Variants in BHLHE22 observed in about 807,000 individuals in gnomAD.
The protein encoded by BHLHE22 is basic helix-loop-helix family member e22, also known as class E basic helix-loop-helix protein 22.
A neutral mutation model predicts 17.6 loss-of-function variants in BHLHE22; 8 were observed. The ratio of observed to expected loss-of-function variants is 0.45; its 90% CI spans 0.27 to 0.82. BHLHE22 has a LOEUF of 0.82. Ranked by LOEUF, BHLHE22 falls within the 40% of genes least tolerant of loss-of-function variation. BHLHE22 has a pLI of 0.16. For synonymous variants in BHLHE22, 353 were observed against 282.7 expected, an observed-to-expected ratio of 1.25 and a Z score of -2.49; for missense variants, 570 against 581.5, an observed-to-expected ratio of 0.98 and a Z score of 0.20.
chr8:64,582,302 T>C lies in BHLHE22; in HGVS notation c.*366T>C, dbSNP rs1301884633. On this transcript the variant is annotated 3_prime_UTR_variant, in exon 1 of 1. Transcript: ENST00000321870. Reference sequence around the variant, plus strand: ...GCTTGGTTATTAAGCCTGGAGAGTGTTTGAATGGCAAAATACTAATCCTAC... The same window carrying C: ...GCTTGGTTATTAAGCCTGGAGAGTGCTTGAATGGCAAAATACTAATCCTAC... 3.2e-6 allele frequency: 1 copy of C among 316,592 alleles called. No homozygotes were observed. 19.6% of individuals were successfully genotyped at this position (316,592 alleles called of 1,614,324 possible). A position where few individuals can be genotyped will look rare whatever the true frequency, so the allele number is the denominator to read the frequency against.
At position 64,580,790 on chromosome 8, in the gene BHLHE22, C is replaced by T; in HGVS notation, c.-1C>T. 7.3e-7 allele frequency: 1 copy of T among 1,361,890 alleles called. No individual in the cohort carries two copies. Among genetic ancestry groups the T allele is most frequent in the South Asian group, 1.7e-5 (1 of 59,130 alleles). 84.4% of individuals were successfully genotyped at this position (1,361,890 alleles called of 1,614,324 possible). ...CCCGGGCTGCGCGCCGGCGCGGGACCATGGAGCGCGGGATGCACCTCGGTG... is the reference window on the plus strand; with the variant it reads ...CCCGGGCTGCGCGCCGGCGCGGGACTATGGAGCGCGGGATGCACCTCGGTG... On this transcript the variant is annotated 5_prime_UTR_variant, in exon 1 of 1. Transcript: ENST00000321870.
chr8:64,581,111 A>T lies in BHLHE22; in HGVS notation c.321A>T (p.Ser107=). The T allele has an allele frequency of 7.4e-7, 1 of 1,358,982 alleles. No individual in the cohort carries two copies. Among genetic ancestry groups the T allele is most frequent in the East Asian group, 3.0e-5 (1 of 33,826 alleles). The allele number at this position is 1,358,982 out of a possible 1,614,324, so 84.2% of individuals were successfully genotyped here. ...GVGVPGLLVG[S]AGVGGDPSLS... ...GTGTCCCCGGGCTGCTAGTAGGTTCAGCCGGCGTTGGGGGCGACCCTAGCC... is the reference window on the plus strand; with the variant it reads ...GTGTCCCCGGGCTGCTAGTAGGTTCTGCCGGCGTTGGGGGCGACCCTAGCC... The change falls in exon 1 of 1, where the codon TCA becomes TCT. Residue 107 remains serine, a synonymous_variant. Transcript: ENST00000321870. The surrounding 1 kb of genome is among the most constrained non-coding windows in gnomAD (Gnocchi z 6.4).
Position 64,580,625 on chromosome 8 carries a change from A to T in BHLHE22, c.-166A>T. The T allele has an allele frequency of 5.1e-6, 1 of 197,940 alleles. No individual in the cohort carries two copies. Among genetic ancestry groups the T allele is most frequent in the Non-Finnish European group, 9.2e-6 (1 of 108,682 alleles). 12.3% of individuals were successfully genotyped at this position (197,940 alleles called of 1,614,324 possible). On this transcript the variant is annotated 5_prime_UTR_variant, in exon 1 of 1. An upstream open reading frame in the 5' UTR gains an earlier in-frame stop. Coordinates refer to ENST00000321870, the MANE Select transcript of BHLHE22 (RefSeq NM_152414.5). ...GCGGCGAGCGCGGGGGAAGGCGAAA[A>T]AGAAAAAGAAAGAAGGGGAGAGGGC... is the stretch of plus-strand genomic sequence containing the variant.
chr8:64,583,177 T>C lies in BHLHE22; in HGVS notation c.*1241T>C, dbSNP rs187470907. 5.0e-3 allele frequency: 829 copies of C among 167,162 alleles called. 1 individual carries two copies. The highest frequency in any genetic ancestry group is 8.8e-3 in the Non-Finnish European group (596 of 68,102). The allele number at this position is 167,162 out of a possible 1,614,324, so 10.4% of individuals were successfully genotyped here. On this transcript the variant is annotated 3_prime_UTR_variant, in exon 1 of 1. Coordinates refer to ENST00000321870, the MANE Select transcript of BHLHE22 (RefSeq NM_152414.5). Reference sequence around the variant, plus strand: ...GTCTAATTTAATTGCTTTTAATATATATGTACATATATGTTATTTTAACTG... The same window carrying C: ...GTCTAATTTAATTGCTTTTAATATACATGTACATATATGTTATTTTAACTG...
rs1370729261 is a variant in BHLHE22, at chr8:64,583,363, TTGAC to T, written c.*1430_*1433del. ...TTCAGTTTTAGTTTTGCATGGCTGT[TTGAC>T]TGCCTTTCCGCCCTATGAAAATCAA... is the stretch of plus-strand genomic sequence containing the variant. On this transcript the variant is annotated 3_prime_UTR_variant, in exon 1 of 1. Coordinates refer to ENST00000321870, the MANE Select transcript of BHLHE22 (RefSeq NM_152414.5). 6.1e-6 allele frequency: 1 copy of T among 165,020 alleles called. No individual in the cohort carries two copies. Among genetic ancestry groups the T allele is most frequent in the Non-Finnish European group, 1.5e-5 (1 of 66,604 alleles). 10.2% of individuals were successfully genotyped at this position (165,020 alleles called of 1,614,324 possible). A position where few individuals can be genotyped will look rare whatever the true frequency, so the allele number is the denominator to read the frequency against.
In BHLHE22 at chr8:64,582,942, T is replaced by C. The variant is rs1430057393; in HGVS notation, c.*1006T>C. 1 of 166,926 alleles carries C rather than the reference T, an allele frequency of 6.0e-6. No individual in the cohort carries two copies. Among genetic ancestry groups the C allele is most frequent in the African/African-American group, 2.4e-5 (1 of 41,462 alleles). 10.3% of individuals were successfully genotyped at this position (166,926 alleles called of 1,614,324 possible). A position where few individuals can be genotyped will look rare whatever the true frequency, so the allele number is the denominator to read the frequency against. ...GGTCACCTGGATATTTTCAGTTGCA[T>C]CATCCCTGTATTTAAATTGAGCTTT... On this transcript the variant is annotated 3_prime_UTR_variant, in exon 1 of 1. Coordinates refer to ENST00000321870, the MANE Select transcript of BHLHE22 (RefSeq NM_152414.5).
rs762895104 is a variant in BHLHE22 at position 64,581,328 on chromosome 8, G to A, written c.538G>A (p.Ala180Thr). 4 of 1,429,506 alleles carry A rather than the reference G, an allele frequency of 2.8e-6. No individual in the cohort carries two copies. Among genetic ancestry groups the A allele is most frequent in the Non-Finnish European group, 3.6e-6 (4 of 1,104,432 alleles). The allele number at this position is 1,429,506 out of a possible 1,614,324, so 88.6% of individuals were successfully genotyped here. A position where few individuals can be genotyped will look rare whatever the true frequency, so the allele number is the denominator to read the frequency against. The change falls in exon 1 of 1, where the codon GCA becomes ACA. Residue 180 changes from alanine (A) to threonine (T), a missense_variant. Physicochemically the swap from Ala to Thr is moderately conservative, Grantham distance 58. This residue lies in a region of BHLHE22 where 427 missense variants were observed against 376.2 expected (regional missense o/e 1.14). Coordinates refer to ENST00000321870, the MANE Select transcript of BHLHE22 (RefSeq NM_152414.5). The surrounding 1 kb of genome is among the most constrained non-coding windows in gnomAD (Gnocchi z 6.4). ...SPGAGGGGAK[A>T]AEGCSNAHLH... ...GGGAGCGGGAGGTGGTGGCGCGAAG[G>A]CAGCCGAGGGCTGCTCCAATGCCCA...
Position 64,580,710 on chromosome 8 carries a change from G to C in BHLHE22, c.-81G>C. 1 of 922,404 alleles carries C rather than the reference G, an allele frequency of 1.1e-6. No individual in the cohort carries two copies. Among genetic ancestry groups the C allele is most frequent in the Non-Finnish European group, 1.3e-6 (1 of 768,702 alleles). The allele number at this position is 922,404 out of a possible 1,614,324, so 57.1% of individuals were successfully genotyped here. ...TCCGGAGCCCAGCTCGCGCGCGTCT[G>C]TGGGGCCGCCTGACTCCGGGGCCGA... is the stretch of plus-strand genomic sequence containing the variant. On this transcript the variant is annotated 5_prime_UTR_variant, in exon 1 of 1. Transcript: ENST00000321870.
rs1382981486 is a variant in BHLHE22 at position 64,582,619 on chromosome 8, A to G, written c.*683A>G. The stretch of plus-strand genomic sequence containing the variant: ...CAAAGTTTTGGCGAGAGTGATATAA[A>G]AAAACTGACTGTGGCTGAAAGAATT... On this transcript the variant is annotated 3_prime_UTR_variant, in exon 1 of 1. Coordinates refer to ENST00000321870, the MANE Select transcript of BHLHE22 (RefSeq NM_152414.5). The G allele has an allele frequency of 6.0e-6, 1 of 167,132 alleles. No homozygotes were observed. Among genetic ancestry groups the G allele is most frequent in the Non-Finnish European group, 1.5e-5 (1 of 68,146 alleles). 10.4% of individuals were successfully genotyped at this position (167,132 alleles called of 1,614,324 possible).
rs1804895671 is a variant in BHLHE22 at position 64,581,394 on chromosome 8, G to GGCT, written c.606_607insTGC (p.Gly202_Gly203insCys). ...CAGCGTCCCCCCGGGGGGCCTGGGC[G>GGCT]GCGGCGGCGGCGGGGGTAGCAGCAG... On this transcript the variant is annotated inframe_insertion, in exon 1 of 1. Coordinates refer to ENST00000321870, the MANE Select transcript of BHLHE22 (RefSeq NM_152414.5). This position sits in a 1 kb window ranked among gnomAD's most constrained non-coding sequence, Gnocchi z 6.4. 6.6e-7 allele frequency: 1 copy of GGCT among 1,522,196 alleles called. No homozygotes were observed. Among genetic ancestry groups the GGCT allele is most frequent in the Non-Finnish European group, 8.8e-7 (1 of 1,140,536 alleles). The allele number at this position is 1,522,196 out of a possible 1,614,324, so 94.3% of individuals were successfully genotyped here. A position where few individuals can be genotyped will look rare whatever the true frequency, so the allele number is the denominator to read the frequency against.
At position 64,581,728 on chromosome 8, in the gene BHLHE22, G is replaced by A; in HGVS notation, c.938G>A (p.Gly313Asp). Residue 313 changes from glycine (G) to aspartate (D), a missense_variant, in exon 1 of 1, where the codon GGC (glycine) becomes GAC (aspartate). By Grantham distance (94) the Gly-to-Asp change is moderately conservative. Transcript: ENST00000321870. The surrounding 1 kb of genome is among the most constrained non-coding windows in gnomAD (Gnocchi z 6.4). ...CGCCTAGTCGCCTACCTCAACCAGG[G>A]CCAGGCCATCTCGGCTGCCTCCCTG... The part of the protein sequence containing the change: ...MRRLVAYLNQ[G>D]QAISAASLPS... 6.2e-7 allele frequency: 1 copy of A among 1,603,874 alleles called. No individual in the cohort carries two copies. Among genetic ancestry groups the A allele is most frequent in the Non-Finnish European group, 8.5e-7 (1 of 1,176,592 alleles).
Position 64,581,336 on chromosome 8 carries a change from G to T in BHLHE22, c.546G>T (p.Glu182Asp). 6.8e-7 allele frequency: 1 copy of T among 1,463,366 alleles called. No homozygotes were observed. Among genetic ancestry groups the T allele is most frequent in the Non-Finnish European group, 8.9e-7 (1 of 1,120,120 alleles). The allele number at this position is 1,463,366 out of a possible 1,614,324, so 90.6% of individuals were successfully genotyped here. Residue 182 changes from glutamate (E) to aspartate (D), a missense_variant, in exon 1 of 1, where the codon GAG becomes GAT. Physicochemically the swap from Glu to Asp is conservative, Grantham distance 45. This residue lies in a region of BHLHE22 where 427 missense variants were observed against 376.2 expected (regional missense o/e 1.14). Transcript: ENST00000321870. The surrounding 1 kb of genome is among the most constrained non-coding windows in gnomAD (Gnocchi z 6.4). ...GAGGTGGTGGCGCGAAGGCAGCCGAGGGCTGCTCCAATGCCCACCTCCACG... is the reference window on the plus strand; with the variant it reads ...GAGGTGGTGGCGCGAAGGCAGCCGATGGCTGCTCCAATGCCCACCTCCACG... ...GAGGGGAKAAEGCSNAHLHGG... is the reference protein window; with the variant it reads ...GAGGGGAKAADGCSNAHLHGG...
Position 64,581,856 on chromosome 8 carries a change from G to A in BHLHE22, c.1066G>A (p.Ala356Thr). 1.2e-6 allele frequency: 2 copies of A among 1,607,958 alleles called. No individual in the cohort carries two copies. The highest frequency in any genetic ancestry group is 1.1e-5 in the South Asian group (1 of 90,876). ...CCCGTTCAGCGCCGGACTGCCCCCG[G>A]CTGCCTCCTGCCCGGAGAAGTGCGC... ...GYPFSAGLPP[A>T]ASCPEKCALF... Residue 356 changes from alanine (A) to threonine (T), a missense_variant, in exon 1 of 1, where the codon GCT becomes ACT. Ala to Thr is a moderately conservative substitution (Grantham distance 58). Coordinates refer to ENST00000321870, the MANE Select transcript of BHLHE22 (RefSeq NM_152414.5). This position sits in a 1 kb window ranked among gnomAD's most constrained non-coding sequence, Gnocchi z 6.4.
chr8:64,581,468 C>A lies in BHLHE22; in HGVS notation c.678C>A (p.Ser226Arg). 6.5e-7 allele frequency: 1 copy of A among 1,535,024 alleles called. No individual in the cohort carries two copies. The highest frequency in any genetic ancestry group is 8.7e-7 in the Non-Finnish European group (1 of 1,145,128). Residue 226 changes from serine to arginine, a missense_variant, in exon 1 of 1, where the codon AGC (serine) becomes AGA (arginine). This residue lies in a region of BHLHE22 where 427 missense variants were observed against 376.2 expected (regional missense o/e 1.14). Coordinates refer to ENST00000321870, the MANE Select transcript of BHLHE22 (RefSeq NM_152414.5). The surrounding 1 kb of genome is among the most constrained non-coding windows in gnomAD (Gnocchi z 6.4). ...GGGSGSGSGG[S>R]SSSSSSSSKK... ...GTAGCGGTAGCGGCAGCGGCGGCAGCAGCAGCAGCAGCAGCAGCAGCAGCA... is the reference window on the plus strand; with the variant it reads ...GTAGCGGTAGCGGCAGCGGCGGCAGAAGCAGCAGCAGCAGCAGCAGCAGCA...
Position 64,581,858 on chromosome 8 carries a change from T to G in BHLHE22, c.1068T>G (p.Ala356=), listed in dbSNP as rs769298111. Residue 356 remains alanine, a synonymous_variant, in exon 1 of 1, where the codon GCT becomes GCG. Coordinates refer to ENST00000321870, the MANE Select transcript of BHLHE22 (RefSeq NM_152414.5). This position sits in a 1 kb window ranked among gnomAD's most constrained non-coding sequence, Gnocchi z 6.4. ...GYPFSAGLPP[A]ASCPEKCALF... ...CGTTCAGCGCCGGACTGCCCCCGGC[T>G]GCCTCCTGCCCGGAGAAGTGCGCCC... 14 of 1,608,376 alleles carry G rather than the reference T, an allele frequency of 8.7e-6. No individual in the cohort carries two copies. The highest frequency in any genetic ancestry group is 1.2e-5 in the Non-Finnish European group (14 of 1,179,494).
chr8:64,582,880 A>G lies in BHLHE22; in HGVS notation c.*944A>G, dbSNP rs1049619608. 1.2e-5 allele frequency: 2 copies of G among 166,982 alleles called. No homozygotes were observed. The highest frequency in any genetic ancestry group is 2.9e-5 in the Non-Finnish European group (2 of 68,118). 10.3% of individuals were successfully genotyped at this position (166,982 alleles called of 1,614,324 possible). On this transcript the variant is annotated 3_prime_UTR_variant, in exon 1 of 1. Coordinates refer to ENST00000321870, the MANE Select transcript of BHLHE22 (RefSeq NM_152414.5). ...TTTATTTGCCAACAAGTATGAAGAG[A>G]AATATTGATGTATCTGAGCTGCTTA...
chr8:64,580,865 C>A lies in BHLHE22; in HGVS notation c.75C>A (p.Ala25=), dbSNP rs775118339. ...DDLFLHKSLS[A]STSKRLEAAF... is the part of the protein sequence containing the mutation. ...TCTTCCTGCACAAGAGCCTGAGCGC[C>A]TCCACCTCCAAGCGCTTGGAAGCGG... Residue 25 remains alanine (A), a synonymous_variant, in exon 1 of 1, where the codon GCC becomes GCA. Transcript: ENST00000321870. 29 of 1,516,630 alleles carry A rather than the reference C, an allele frequency of 1.9e-5. No individual in the cohort carries two copies. The African/African-American group carries it at 3.5e-4, about 18-fold the overall frequency. 93.9% of individuals were successfully genotyped at this position (1,516,630 alleles called of 1,614,324 possible). A position where few individuals can be genotyped will look rare whatever the true frequency, so the allele number is the denominator to read the frequency against.
In BHLHE22 at chr8:64,581,456, C is replaced by CAGCGGT. The variant is rs1281147216; in HGVS notation, c.671_672insTAGCGG (p.Ser223_Gly224dup). On this transcript the variant is annotated inframe_insertion, in exon 1 of 1. Coordinates refer to ENST00000321870, the MANE Select transcript of BHLHE22 (RefSeq NM_152414.5). This position sits in a 1 kb window ranked among gnomAD's most constrained non-coding sequence, Gnocchi z 6.4. Reference sequence around the variant, plus strand: ...GCGGCGGTGGCGGTAGCGGTAGCGGCAGCGGCGGCAGCAGCAGCAGCAGCA... The same window carrying CAGCGGT: ...GCGGCGGTGGCGGTAGCGGTAGCGGCAGCGGTAGCGGCGGCAGCAGCAGCAGCAGCA... 3.2e-6 allele frequency: 5 copies of CAGCGGT among 1,538,982 alleles called. No individual in the cohort carries two copies. Among genetic ancestry groups the CAGCGGT allele is most frequent in the Non-Finnish European group, 4.4e-6 (5 of 1,148,094 alleles).
chr8:64,581,127 G>T lies in BHLHE22; in HGVS notation c.337G>T (p.Asp113Tyr). The T allele has an allele frequency of 7.3e-7, 1 of 1,376,784 alleles. No homozygotes were observed. The highest frequency in any genetic ancestry group is 9.3e-7 in the Non-Finnish European group (1 of 1,073,028). 85.3% of individuals were successfully genotyped at this position (1,376,784 alleles called of 1,614,324 possible). A position where few individuals can be genotyped will look rare whatever the true frequency, so the allele number is the denominator to read the frequency against. The part of the protein sequence containing the change: ...LLVGSAGVGG[D>Y]PSLSSLPAGA... ...AGTAGGTTCAGCCGGCGTTGGGGGCGACCCTAGCCTAAGCAGCCTGCCGGC... is the reference window on the plus strand; with the variant it reads ...AGTAGGTTCAGCCGGCGTTGGGGGCTACCCTAGCCTAAGCAGCCTGCCGGC... Residue 113 changes from aspartate (D) to tyrosine (Y), a missense_variant, in exon 1 of 1, where the codon GAC becomes TAC. Coordinates refer to ENST00000321870, the MANE Select transcript of BHLHE22 (RefSeq NM_152414.5). The surrounding 1 kb of genome is among the most constrained non-coding windows in gnomAD (Gnocchi z 6.4).
Sources: gnomAD v4.1 joint callset for allele counts on GRCh38, gnomAD v4.1.1 for gene constraint, gnomAD v4.1.1 regional missense constraint, Gnocchi (gnomAD v3.1) non-coding constraint, MANE v1.5 for transcripts, NCBI Gene and HGNC (gene_info 2026-07-23, HGNC 2026-07-21) for gene names.